Variants in PEX5L observed in about 807,000 individuals in gnomAD.
The protein encoded by PEX5L is peroxisomal biogenesis factor 5 like, also known as PEX5-related protein.
In PEX5L, 30 loss-of-function variants were observed where a neutral mutation model predicts 84.0. The ratio of observed to expected loss-of-function variants is 0.36; its 90% CI spans 0.27 to 0.48. PEX5L has a LOEUF of 0.48. PEX5L is among the 20% of genes least tolerant of loss of function. PEX5L has a pLI of 0.99. For missense variants in PEX5L, 533 were observed against 754.6 expected, an observed-to-expected ratio of 0.71 and a Z score of 3.44; for synonymous variants, 270 against 283.1, an observed-to-expected ratio of 0.95 and a Z score of 0.46.
intron 7 of PEX5L, among the ~76,000 whole-genome samples, chr3:179,871,100 CT>C (rs397801213): frequency 0.32 from 30,097 of 94,294 alleles, 2,738 homozygotes; most frequent in African/African-American, 0.38. Flanking sequence ...TTGAGTTATA[CT>C]TTTTTTTTTT....
At chr3:180,025,491 G>A (rs1265475458) in intron 1 of PEX5L, among the ~76,000 whole-genome samples, 1 of 152,126 alleles carries the variant, frequency 6.6e-6, no homozygotes, top group Non-Finnish European at 1.5e-5. Flanking sequence ...TGTTAATTAT[G>A]GTATTGTATT....
chr3:179,896,218 T>C (rs1458436056), intron 3 of PEX5L: 1 of 152,148 alleles, frequency 6.6e-6, no homozygotes, highest in Non-Finnish European at 1.5e-5. Context: ...GACTGAGAAA[T>C]AATTGTATTA....
chr3:179,876,803 T>C (rs1275369561), intron 5 of PEX5L, among the ~76,000 whole-genome samples: 1 of 152,156 alleles, frequency 6.6e-6, no homozygotes, highest in Non-Finnish European at 1.5e-5. Context: ...TGTAGGTACC[T>C]CATACAAGTG....
intron 8 of PEX5L, among the ~76,000 whole-genome samples, chr3:179,849,006 G>A (rs1022898224): frequency 6.6e-6 from 1 of 152,168 alleles, no homozygotes; most frequent in Admixed American, 6.5e-5. Context: ...CAAGGAACAG[G>A]GGACCCTGGA....
At chr3:179,844,564 C>T (rs1738541630) in intron 8 of PEX5L, among the ~76,000 whole-genome samples, 1 of 152,208 alleles carries the variant, frequency 6.6e-6, no homozygotes, top group African/African-American at 2.4e-5. Context: ...CGCGGTGGCT[C>T]ACGCCTGTAA....
At chr3:179,871,322 C>T (rs539176947) in intron 7 of PEX5L, among the ~76,000 whole-genome samples, 6 of 152,110 alleles carry the variant, frequency 3.9e-5, no homozygotes, top group African/African-American at 9.6e-5. Context: ...AGGCTGCTTT[C>T]GAACTCCTGA....
In PEX5L at chr3:179,800,996, C is replaced by G. The variant is rs547335443; in HGVS notation, c.*832G>C. ...GCACGTGAATGAAAAGATCTGTTTG[C>G]CATATTTACGCCTTATGTCATCGTA... On this transcript the variant is annotated 3_prime_UTR_variant, in exon 15 of 15. Transcript: ENST00000467460. The G allele has an allele frequency of 6.6e-6, 1 of 152,650 alleles. No individual in the cohort carries two copies. Among genetic ancestry groups the G allele is most frequent in the South Asian group, 2.1e-4 (1 of 4,820 alleles). 9.5% of individuals were successfully genotyped at this position (152,650 alleles called of 1,614,324 possible).
intron 2 of PEX5L, among the ~76,000 whole-genome samples, chr3:179,934,401 C>T (rs1298192492): frequency 1.3e-5 from 2 of 152,148 alleles, no homozygotes; most frequent in Non-Finnish European, 2.9e-5. Context: ...ATTTATGAAG[C>T]CTCTGTTATG....
intron 5 of PEX5L, 121 bp downstream of exon 5, chr3:179,879,808 C>T: frequency 1.6e-6 from 1 of 638,396 alleles, no homozygotes; most frequent in Non-Finnish European, 2.6e-6. Context: ...GTCCAGTTTC[C>T]ACCATGGAAT....
intron 2 of PEX5L, among the ~76,000 whole-genome samples, chr3:179,961,201 A>G (rs4461419): frequency 0.22 from 14,156 of 65,172 alleles, 2,038 homozygotes; most frequent in African/African-American, 0.46. Flanking sequence ...GTGTATGTGT[A>G]TGTGTGTGTG....
At chr3:179,809,423 T>C (rs1164511348) in intron 12 of PEX5L, 48 bp downstream of exon 12, 1 of 1,402,164 alleles carries the variant, frequency 7.1e-7, no homozygotes, top group East Asian at 2.3e-5. Flanking sequence ...GGTGATTCAT[T>C]GTATATATGG....
intron 8 of PEX5L, among the ~76,000 whole-genome samples, chr3:179,841,225 A>C (rs1209196276): frequency 6.6e-6 from 1 of 152,086 alleles, no homozygotes; most frequent in Admixed American, 6.5e-5. Context: ...CTGATCTCCC[A>C]CCAGCCCCCG....
At chr3:179,849,109 A>G (rs1005571251) in intron 8 of PEX5L, among the ~76,000 whole-genome samples, 2 of 152,132 alleles carry the variant, frequency 1.3e-5, no homozygotes, top group African/African-American at 4.8e-5. Flanking sequence ...CATTTTGGGG[A>G]ATCTTTTATA....
At chr3:179,973,199 G>T in intron 1 of PEX5L, 2 of 1,288,520 alleles carry the variant, frequency 1.6e-6, no homozygotes, top group Non-Finnish European at 2.0e-6. Flanking sequence ...GGACAAAAGG[G>T]CATTAAGTAG....
In PEX5L at chr3:179,923,858, A is replaced by C. The variant is rs545844384; in HGVS notation, c.94-25612T>G. Among the ~76,000 whole-genome samples the C allele has an allele frequency of 2.0e-5, 3 of 152,332 alleles. No individual in the cohort carries two copies. The South Asian group carries it at 6.2e-4, about 32-fold the overall frequency. Reference sequence around the variant, plus strand: ...TCAGCAGTTATTTTTAAGAAGTTTTAGCTGAGTTTCATCTATGCGACTGGC... The same window carrying C: ...TCAGCAGTTATTTTTAAGAAGTTTTCGCTGAGTTTCATCTATGCGACTGGC... On this transcript the variant is annotated intron_variant, in intron 2 of 14. Coordinates refer to ENST00000467460, the MANE Select transcript of PEX5L (RefSeq NM_016559.3).
intron 10 of PEX5L, among the ~76,000 whole-genome samples, chr3:179,814,544 G>A (rs1368053317): frequency 2.0e-5 from 3 of 152,112 alleles, no homozygotes; most frequent in Non-Finnish European, 2.9e-5. Context: ...TATACCGGTC[G>A]CTACAATTTC....
chr3:179,821,212 G>T (rs1190490623), intron 8 of PEX5L, among the ~76,000 whole-genome samples: 1 of 152,164 alleles, frequency 6.6e-6, no homozygotes. Flanking sequence ...CCTGCTAAGA[G>T]AGACACTTGG....
chr3:179,942,415 G>C lies in PEX5L; in HGVS notation c.93+29179C>G, dbSNP rs570132130. On this transcript the variant is annotated intron_variant, in intron 2 of 14. Transcript: ENST00000467460. ...GTTGCCAGAGCAATGACAACACTGC[G>C]GGACCGCGGAGGCGGCTGGGCGGGG... is the stretch of plus-strand genomic sequence containing the variant. 2.0e-3 allele frequency among the ~76,000 whole-genome samples: 301 copies of C among 152,372 alleles called. 2 individuals carry two copies. Among genetic ancestry groups the C allele is most frequent in the African/African-American group, 6.9e-3 (288 of 41,594 alleles).
At chr3:180,003,176 A>G (rs1011026326) in intron 1 of PEX5L, among the ~76,000 whole-genome samples, 3 of 152,200 alleles carry the variant, frequency 2.0e-5, no homozygotes, top group Non-Finnish European at 4.4e-5. Flanking sequence ...AAGTCTTAGC[A>G]GCTCTGTAAA....
Sources: gnomAD v4.1 joint callset for allele counts (sites outside exome capture counted in the v4.1 genomes callset) on GRCh38, gnomAD v4.1.1 for gene constraint, MANE v1.5 for transcripts, NCBI Gene and HGNC (gene_info 2026-07-23, HGNC 2026-07-21) for gene names.